The following FHIP2B variants were observed in gnomAD, a reference collection of about 807,000 sequenced individuals.
FHIP2B encodes the protein FHF complex subunit HOOK-interacting protein 2B.
FHIP2B carries 72 observed loss-of-function variants against 84.0 expected under a neutral mutation model. That is an observed-to-expected ratio of 0.86 (90% CI 0.71 to 1.04). The LOEUF (loss-of-function observed/expected upper bound fraction) is 1.04, where lower values mean the gene tolerates loss of function less well. FHIP2B is among the 50% of genes least tolerant of loss of function. FHIP2B has a pLI of 0.00. For synonymous variants in FHIP2B, 497 were observed against 418.7 expected, an observed-to-expected ratio of 1.19 and a Z score of -2.28; for missense variants, 972 against 968.9, an observed-to-expected ratio of 1.00 and a Z score of -0.04.
Position 22,102,182 on chromosome 8 carries a change from G to T in FHIP2B, c.1859G>T (p.Ser620Ile). The T allele has an allele frequency of 6.2e-7, 1 of 1,613,462 alleles. No individual in the cohort carries two copies. Among genetic ancestry groups the T allele is most frequent in the Non-Finnish European group, 8.5e-7 (1 of 1,179,866 alleles). The change falls in exon 15 of 17, where the codon AGC (serine) becomes ATC (isoleucine). Residue 620 changes from serine to isoleucine, a missense_variant. By Grantham distance (142) the Ser-to-Ile change is moderately radical. Coordinates refer to ENST00000289921, the MANE Select transcript of FHIP2B (RefSeq NM_022749.7). ...TCCACCATGTTCCTACAGCCATACA[G>T]CCTGAACCTGCAGGTGACCTCGGTC... ...RMSRILDQPY[S>I]LNLQVTSVLS...
rs765181630 is a variant in FHIP2B, at chr8:22,102,568, A to C, written c.2033A>C (p.Gln678Pro). 8.3e-6 allele frequency: 13 copies of C among 1,563,504 alleles called. No homozygotes were observed. Among genetic ancestry groups the C allele is most frequent in the Non-Finnish European group, 1.0e-5 (12 of 1,154,476 alleles). Residue 678 changes from glutamine to proline, a missense_variant, in exon 16 of 17, where the codon CAG (glutamine) becomes CCG (proline). Coordinates refer to ENST00000289921, the MANE Select transcript of FHIP2B (RefSeq NM_022749.7). ...ATGCAGAGAATCCAGAGGGTACCCC[A>C]GTTCCCAGGCAAGCTGCTCCTGGTG... ...DLMQRIQRVP[Q>P]FPGKLLLVRK... is the part of the protein sequence containing the mutation.
Position 22,102,608 on chromosome 8 carries a change from G to T in FHIP2B, c.2073G>T (p.Thr691=). The change falls in exon 16 of 17, where the codon ACG becomes ACT. Residue 691 remains threonine, a synonymous_variant. Coordinates refer to ENST00000289921, the MANE Select transcript of FHIP2B (RefSeq NM_022749.7). ...TGCTCCTGGTGCGCAAGCAGTTGACGGGCCAGGCTCCTGGGGAGCAGTGAG... is the reference window on the plus strand; with the variant it reads ...TGCTCCTGGTGCGCAAGCAGTTGACTGGCCAGGCTCCTGGGGAGCAGTGAG... ...GKLLLVRKQL[T]GQAPGEQLDH... 6 of 1,563,214 alleles carry T rather than the reference G, an allele frequency of 3.8e-6. No individual in the cohort carries two copies. The highest frequency in any genetic ancestry group is 5.2e-6 in the Non-Finnish European group (6 of 1,154,108).
intron 2 of FHIP2B, 104 bp downstream of exon 2, chr8:22,094,622 G>A (rs752293315): frequency 1.3e-6 from 2 of 1,570,900 alleles, no homozygotes; most frequent in Non-Finnish European, 1.7e-6. Flanking sequence ...AACCTGCCCA[G>A]TCGTTCAGAA....
intron 1 of FHIP2B, among the ~76,000 whole-genome samples, chr8:22,092,596 AAG>A (rs1377693650): frequency 4.7e-5 from 7 of 148,150 alleles, no homozygotes; most frequent in Non-Finnish European, 1.0e-4. Context: ...TCTGTCTCAG[AAG>A]AAAAAAAAAA....
chr8:22,094,015 C>G (rs771860461), intron 1 of FHIP2B, among the ~76,000 whole-genome samples: 8 of 152,164 alleles, frequency 5.3e-5, no homozygotes, highest in Non-Finnish European at 1.2e-4. Context: ...CTGCACCTGA[C>G]CTTTGCCACA....
chr8:22,096,501 A>C lies in FHIP2B; in HGVS notation c.289A>C (p.Lys97Gln), dbSNP rs576114646. 2.0e-6 allele frequency: 3 copies of C among 1,535,290 alleles called. No homozygotes were observed. Among genetic ancestry groups the C allele is most frequent in the African/African-American group, 1.4e-5 (1 of 72,484 alleles). ...KILETLCTLG[K>Q]AEYPPGMRQQ... The stretch of plus-strand genomic sequence containing the variant: ...CCTGGAGACTCTCTGCACGCTGGGC[A>C]AGGCCGAGGTGGGAGGCCCTCTGCG... Residue 97 changes from lysine to glutamine, a missense_variant, in exon 3 of 17, where the codon AAG (lysine) becomes CAG (glutamine). Physicochemically the swap from Lys to Gln is moderately conservative, Grantham distance 53. Transcript: ENST00000289921.
At chr8:22,099,677 C>A in intron 9 of FHIP2B, 27 bp from the exon 10 acceptor site, 1 of 1,546,226 alleles carries the variant, frequency 6.5e-7, no homozygotes, top group South Asian at 1.2e-5. Context: ...ACACACCGGG[C>A]CTGGCTAAGG....
At chr8:22,096,143 C>T in intron 2 of FHIP2B, 194 bp from the exon 3 acceptor site, 1 of 564,858 alleles carries the variant, frequency 1.8e-6, no homozygotes, top group Non-Finnish European at 3.1e-6. Flanking sequence ...TGTCCTGAGC[C>T]TGGAAGGACT....
In FHIP2B at chr8:22,094,440, C is replaced by T. The variant is rs754579255; in HGVS notation, c.46C>T (p.Arg16Cys). The change falls in exon 2 of 17, where the codon CGC (arginine) becomes TGC (cysteine). Residue 16 changes from arginine (R) to cysteine (C), a missense_variant and splice_region_variant. Coordinates refer to ENST00000289921, the MANE Select transcript of FHIP2B (RefSeq NM_022749.7). ...GALLQEAVGAREPSIDLLQAF... is the reference protein window; with the variant it reads ...GALLQEAVGACEPSIDLLQAF... ...GAGGTTGTGTGTCTGCCCTCCGCAG[C>T]GCGAGCCCAGCATTGACCTGCTGCA... The T allele has an allele frequency of 1.7e-5, 27 of 1,604,368 alleles. No homozygotes were observed. Among genetic ancestry groups the T allele is most frequent in the Non-Finnish European group, 2.0e-5 (24 of 1,176,226 alleles).
At chr8:22,099,961 TC>T in intron 10 of FHIP2B, 68 bp downstream of exon 10, 1 of 1,457,998 alleles carries the variant, frequency 6.9e-7, no homozygotes, top group Non-Finnish European at 9.1e-7. Flanking sequence ...TGAACACTCT[TC>T]CCATTTCATT....
intron 2 of FHIP2B, chr8:22,095,241 A>C (rs909308260): frequency 1.3e-5 from 2 of 152,282 alleles, no homozygotes; most frequent in Non-Finnish European, 2.9e-5. Context: ...GGGCCAGCCC[A>C]GGAAATTCAG....
In FHIP2B at chr8:22,102,981, C is replaced by G. The variant is rs776765105; in HGVS notation, c.*50C>G. ...TCCTGTCCACACCTCTGCCCCAGAG[C>G]TGCCTCCTGCCTGGCACTGCCGCCA... On this transcript the variant is annotated 3_prime_UTR_variant, in exon 17 of 17. Coordinates refer to ENST00000289921, the MANE Select transcript of FHIP2B (RefSeq NM_022749.7). 16 of 1,575,550 alleles carry G rather than the reference C, an allele frequency of 1.0e-5. No individual in the cohort carries two copies. The Admixed American group carries it at 2.3e-4, about 23-fold the overall frequency.
Position 22,101,434 on chromosome 8 carries a change from T to A in FHIP2B, c.1617-6T>A. The stretch of plus-strand genomic sequence containing the variant: ...GAGCGCCTCCACACCGGCTTCTATC[T>A]CTCAGTTTCCTGTGCCTGGTCCCCG... On this transcript the variant is annotated splice_region_variant and splice_polypyrimidine_tract_variant and intron_variant, in intron 12 of 16. Transcript: ENST00000289921. 1 of 1,604,854 alleles carries A rather than the reference T, an allele frequency of 6.2e-7. No individual in the cohort carries two copies. Among genetic ancestry groups the A allele is most frequent in the Non-Finnish European group, 8.5e-7 (1 of 1,175,278 alleles).
chr8:22,097,485 G>C, intron 3 of FHIP2B, 31 bp from the exon 4 acceptor site: 1 of 1,562,672 alleles, frequency 6.4e-7, no homozygotes. Flanking sequence ...AGGGGACACG[G>C]CTCTGACAGG....
chr8:22,091,700 C>T (rs947315673), intron 1 of FHIP2B, among the ~76,000 whole-genome samples: 3 of 152,250 alleles, frequency 2.0e-5, no homozygotes, highest in Non-Finnish European at 2.9e-5. Context: ...TGTCTCCTGC[C>T]GTACTGGAGT....
Position 22,101,437 on chromosome 8 carries a change from C to T in FHIP2B, c.1617-3C>T, listed in dbSNP as rs772560507. On this transcript the variant is annotated splice_region_variant and splice_polypyrimidine_tract_variant and intron_variant, in intron 12 of 16. Transcript: ENST00000289921. ...CGCCTCCACACCGGCTTCTATCTCT[C>T]AGTTTCCTGTGCCTGGTCCCCGAGG... The T allele has an allele frequency of 2.5e-6, 4 of 1,605,664 alleles. No individual in the cohort carries two copies. The highest frequency in any genetic ancestry group is 2.6e-6 in the Non-Finnish European group (3 of 1,175,874).
At chr8:22,091,684 C>T (rs1376517404) in intron 1 of FHIP2B, among the ~76,000 whole-genome samples, 1 of 152,236 alleles carries the variant, frequency 6.6e-6, no homozygotes. Context: ...TAACCTGCCT[C>T]TCCCGTGTCT....
intron 16 of FHIP2B, 65 bp from the exon 17 acceptor site, chr8:22,102,728 G>A (rs1826197697): frequency 1.2e-6 from 2 of 1,604,232 alleles, no homozygotes; most frequent in Admixed American, 1.7e-5. Context: ...CGTGGATGCT[G>A]GGCTGTCATG....
intron 1 of FHIP2B, 33 bp downstream of exon 1, chr8:22,089,331 G>C: frequency 2.0e-6 from 2 of 994,480 alleles, no homozygotes; most frequent in Non-Finnish European, 2.4e-6. Flanking sequence ...GGGCCGCCGG[G>C]AGTCGCGGGC....
Sources: gnomAD v4.1 joint callset for allele counts (sites outside exome capture counted in the v4.1 genomes callset) on GRCh38, gnomAD v4.1.1 for gene constraint, MANE v1.5 for transcripts, NCBI Gene and HGNC (gene_info 2026-07-23, HGNC 2026-07-21) for gene names.